INPP4B: variants seen among roughly 807,000 people sequenced by gnomAD.
The protein encoded by INPP4B is inositol polyphosphate-4-phosphatase type II B.
A neutral mutation model predicts 122.5 loss-of-function variants in INPP4B; 55 were observed. That is an observed-to-expected ratio of 0.45 (90% CI 0.36 to 0.56). The LOEUF is 0.56. Ranked by LOEUF, INPP4B falls within the 20% of genes least tolerant of loss-of-function variation. The pLI, the probability that INPP4B is intolerant of heterozygous loss-of-function variation, is 0.00. For missense variants in INPP4B, 1,000 were observed against 1,097.7 expected (o/e 0.91, Z 1.26); for synonymous variants, 403 against 388.7 (o/e 1.04, Z -0.43).
At chr4:142,156,403 T>A (rs1278649240) in intron 17 of INPP4B, among the ~76,000 whole-genome samples, 1 of 152,122 alleles carries the variant, frequency 6.6e-6, no homozygotes, top group Non-Finnish European at 1.5e-5. Context: ...GACAAACTAA[T>A]CTTGGAATCC....
At chr4:142,230,612 C>A (rs2149835350) in intron 12 of INPP4B, among the ~76,000 whole-genome samples, 1 of 144,916 alleles carries the variant, frequency 6.9e-6, no homozygotes, top group East Asian at 2.0e-4. Context: ...CATTGCACTC[C>A]AGCCTGGGCA....
At chr4:142,751,944 G>T (rs1769793559) in intron 1 of INPP4B, among the ~76,000 whole-genome samples, 1 of 151,832 alleles carries the variant, frequency 6.6e-6, no homozygotes, top group Non-Finnish European at 1.5e-5. Context: ...CCTCCCCAAA[G>T]CATATCATAT....
intron 10 of INPP4B, among the ~76,000 whole-genome samples, chr4:142,263,922 C>T (rs1360750362): frequency 6.6e-6 from 1 of 151,626 alleles, no homozygotes; most frequent in Non-Finnish European, 1.5e-5. Flanking sequence ...CTGAAATGTT[C>T]AGGAACAACA....
chr4:142,740,173 A>T (rs1767695823), intron 1 of INPP4B, among the ~76,000 whole-genome samples: 1 of 152,082 alleles, frequency 6.6e-6, no homozygotes. Context: ...TTCAGCTGAA[A>T]CAAATTTTGC....
intron 2 of INPP4B, among the ~76,000 whole-genome samples, chr4:142,520,580 A>G (rs1434772518): frequency 2.6e-5 from 4 of 151,936 alleles, no homozygotes; most frequent in Non-Finnish European, 5.9e-5. Flanking sequence ...CTTGCTAACC[A>G]ATGAATTTAA....
At chr4:142,649,559 G>A (rs573708373) in intron 2 of INPP4B, among the ~76,000 whole-genome samples, 24 of 152,244 alleles carry the variant, frequency 1.6e-4, no homozygotes, top group African/African-American at 5.8e-4. Flanking sequence ...CAAGAACTTC[G>A]TGATGCATAC....
chr4:142,818,441 C>T (rs144083584), intron 1 of INPP4B, among the ~76,000 whole-genome samples: 87 of 149,338 alleles, frequency 5.8e-4, no homozygotes, highest in African/African-American at 1.2e-3. Context: ...GCAATTTAAA[C>T]GTGTGTGTGT....
chr4:142,249,397 C>T (rs977562466), intron 11 of INPP4B, among the ~76,000 whole-genome samples: 2 of 151,218 alleles, frequency 1.3e-5, no homozygotes, highest in African/African-American at 4.9e-5. Context: ...AAGAAATTTA[C>T]ACAGAATTGT....
chr4:142,256,748 G>T (rs1175268036), intron 11 of INPP4B, among the ~76,000 whole-genome samples: 1 of 152,108 alleles, frequency 6.6e-6, no homozygotes, highest in East Asian at 1.9e-4. Context: ...AGGACCAGAT[G>T]GATTCACAGC....
At chr4:142,513,293 G>C (rs1272438372) in intron 2 of INPP4B, among the ~76,000 whole-genome samples, 4 of 152,298 alleles carry the variant, frequency 2.6e-5, no homozygotes, top group African/African-American at 9.6e-5. Flanking sequence ...CAGTTCTGGG[G>C]TGTGTTAGGG....
intron 12 of INPP4B, among the ~76,000 whole-genome samples, chr4:142,222,214 C>T (rs949920398): frequency 6.6e-6 from 1 of 152,230 alleles, no homozygotes; most frequent in Non-Finnish European, 1.5e-5. Context: ...CCTGCTTAGG[C>T]CTCCCAAAGT....
intron 2 of INPP4B, among the ~76,000 whole-genome samples, chr4:142,511,635 C>A (rs1429433171): frequency 1.3e-5 from 2 of 152,010 alleles, no homozygotes; most frequent in Non-Finnish European, 2.9e-5. Flanking sequence ...CACTCCAATC[C>A]CCAGACTGCC....
chr4:142,801,656 GT>G (rs1201219411), intron 1 of INPP4B, among the ~76,000 whole-genome samples: 5 of 152,202 alleles, frequency 3.3e-5, no homozygotes, highest in African/African-American at 1.2e-4. Flanking sequence ...ACAGATGGAT[GT>G]CAGTGAAAGA....
chr4:142,830,774 G>A (rs1174027768), intron 1 of INPP4B, among the ~76,000 whole-genome samples: 2 of 149,814 alleles, frequency 1.3e-5, no homozygotes, highest in Admixed American at 1.3e-4. Context: ...AGCACTTTAG[G>A]AGGCAGAGAT....
At chr4:142,662,915 C>T (rs183923095) in intron 2 of INPP4B, among the ~76,000 whole-genome samples, 27 of 152,218 alleles carry the variant, frequency 1.8e-4, no homozygotes, top group African/African-American at 6.5e-4. Flanking sequence ...AATACATGGG[C>T]TGGTCTCATA....
At chr4:142,468,539 A>T (rs1454925804) in intron 2 of INPP4B, among the ~76,000 whole-genome samples, 1 of 152,144 alleles carries the variant, frequency 6.6e-6, no homozygotes, top group Non-Finnish European at 1.5e-5. Context: ...ATGGGGGTGG[A>T]TTCCTCATGA....
Position 142,478,098 on chromosome 4 carries a change from C to A in INPP4B, c.-190-15372G>T, listed in dbSNP as rs1035919249. On this transcript the variant is annotated intron_variant, in intron 2 of 25. Coordinates refer to ENST00000262992, the MANE Select transcript of INPP4B (RefSeq NM_001101669.3). ...GGTTATAGGCACCCACTGCACCTGG[C>A]CAATTCTACTGATTTGTGTGCACTG... Among the ~76,000 whole-genome samples the A allele has an allele frequency of 2.0e-5, 3 of 152,106 alleles. No homozygotes were observed. The East Asian group carries it at 5.8e-4, about 29-fold the overall frequency.
intron 2 of INPP4B, among the ~76,000 whole-genome samples, chr4:142,576,178 G>T (rs1733790440): frequency 6.6e-6 from 1 of 151,664 alleles, no homozygotes; most frequent in African/African-American, 2.4e-5. Context: ...ATGATGCTGG[G>T]ATATGGCAGT....
intron 2 of INPP4B, among the ~76,000 whole-genome samples, chr4:142,553,715 C>T (rs1728495143): frequency 6.6e-6 from 1 of 152,180 alleles, no homozygotes; most frequent in South Asian, 2.1e-4. Flanking sequence ...CTTCTCAGTC[C>T]TACTTCCTTA....
Sources: gnomAD v4.1 joint callset for allele counts (sites outside exome capture counted in the v4.1 genomes callset) on GRCh38, gnomAD v4.1.1 for gene constraint, MANE v1.5 for transcripts, NCBI Gene and HGNC (gene_info 2026-07-23, HGNC 2026-07-21) for gene names.